The following NGEF variants were observed in gnomAD, a reference collection of about 807,000 sequenced individuals.
The protein encoded by NGEF is neuronal guanine nucleotide exchange factor, also known as ephexin-1.
A neutral mutation model predicts 80.9 loss-of-function variants in NGEF; 31 were observed. That is an observed-to-expected ratio of 0.38 (90% CI 0.29 to 0.52). The LOEUF is 0.52. Ranked by LOEUF, NGEF falls within the 20% of genes least tolerant of loss-of-function variation. The probability of loss-of-function intolerance (pLI) is 0.84; values close to 1 mark genes in which losing one functional copy is unlikely to be tolerated. For synonymous variants in NGEF, 371 were observed against 370.2 expected (o/e 1.00, Z -0.03); for missense variants, 709 against 926.2 (o/e 0.77, Z 3.04).
chr2:232,899,249 AACGT>A (rs1195333111), intron 5 of NGEF, among the ~76,000 whole-genome samples: 2 of 146,838 alleles, frequency 1.4e-5, no homozygotes, highest in African/African-American at 5.0e-5. Context: ...GGGGCGTGTG[AACGT>A]ACGTGTCACT....
At chr2:232,902,572 G>A (rs1396494626) in intron 5 of NGEF, among the ~76,000 whole-genome samples, 2 of 152,206 alleles carry the variant, frequency 1.3e-5, no homozygotes, top group African/African-American at 2.4e-5. Flanking sequence ...CAATTACTAC[G>A]TTTTCTCAAG....
At chr2:233,006,148 T>C (rs1226840636) in intron 1 of NGEF, among the ~76,000 whole-genome samples, 1 of 152,178 alleles carries the variant, frequency 6.6e-6, no homozygotes, top group African/African-American at 2.4e-5. Context: ...TGTGGTAATT[T>C]TTGACAGCAG....
At chr2:232,941,225 A>T (rs1693431671) in intron 3 of NGEF, among the ~76,000 whole-genome samples, 1 of 152,098 alleles carries the variant, frequency 6.6e-6, no homozygotes, top group African/African-American at 2.4e-5. Context: ...GTGCCAGCTG[A>T]TCCATCAAGT....
intron 3 of NGEF, among the ~76,000 whole-genome samples, chr2:232,939,335 A>G (rs1559216300): frequency 6.6e-6 from 1 of 151,978 alleles, no homozygotes; most frequent in Non-Finnish European, 1.5e-5. Context: ...GCTATAATAA[A>G]TGAAACAAAT....
chr2:232,932,311 C>T (rs537243749), intron 3 of NGEF, among the ~76,000 whole-genome samples: 7 of 151,952 alleles, frequency 4.6e-5, no homozygotes, highest in East Asian at 1.9e-4. Flanking sequence ...ATTAAAGGTG[C>T]GCACCATCAT....
chr2:232,987,674 A>C (rs1257957775), intron 1 of NGEF, among the ~76,000 whole-genome samples: 3 of 152,158 alleles, frequency 2.0e-5, no homozygotes, highest in Non-Finnish European at 4.4e-5. Context: ...AGATATGGGA[A>C]TACGCTGCCC....
chr2:232,906,411 C>T (rs1201919811), intron 5 of NGEF, among the ~76,000 whole-genome samples: 7 of 111,226 alleles, frequency 6.3e-5, no homozygotes, highest in Admixed American at 2.9e-4. Context: ...GTCAGCCCCC[C>T]GCCCGGTCAG....
At chr2:232,925,760 G>A (rs572118729) in intron 4 of NGEF, among the ~76,000 whole-genome samples, 1 of 152,358 alleles carries the variant, frequency 6.6e-6, no homozygotes, top group South Asian at 2.1e-4. Context: ...GCGTGGCAGA[G>A]CTGGAAGAAA....
intron 1 of NGEF, among the ~76,000 whole-genome samples, chr2:232,991,354 A>G (rs1270231428): frequency 6.6e-6 from 1 of 152,106 alleles, no homozygotes. Context: ...AAAAAAACAA[A>G]AAACCCCAGA....
chr2:232,919,270 G>C (rs1400154790), intron 5 of NGEF, among the ~76,000 whole-genome samples: 4 of 152,268 alleles, frequency 2.6e-5, no homozygotes, highest in African/African-American at 4.8e-5. Context: ...GAATATCGGG[G>C]GGTAGGGAAA....
chr2:232,952,667 C>A (rs778985717), intron 3 of NGEF, among the ~76,000 whole-genome samples: 1 of 151,952 alleles, frequency 6.6e-6, no homozygotes, highest in South Asian at 2.1e-4. Flanking sequence ...AATAATCTAC[C>A]TTTGAAAAGT....
chr2:232,951,633 C>T (rs187152683), intron 3 of NGEF, among the ~76,000 whole-genome samples: 5 of 152,166 alleles, frequency 3.3e-5, no homozygotes, highest in Admixed American at 2.0e-4. Flanking sequence ...AGAGATGTTT[C>T]ACACTTCCTT....
Position 233,013,207 on chromosome 2 carries a change from C to T in NGEF, c.-214G>A, listed in dbSNP as rs1695252084. The T allele has an allele frequency of 2.1e-6, 1 of 471,090 alleles. No individual in the cohort carries two copies. Among genetic ancestry groups the T allele is most frequent in the African/African-American group, 2.0e-5 (1 of 50,086 alleles). 29.2% of individuals were successfully genotyped at this position (471,090 alleles called of 1,614,324 possible). ...GCGCTCCACTCTGTCCCAGAGAGCC[C>T]ACAGCCAAAAACTTCGTCCTGTCCT... On this transcript the variant is annotated 5_prime_UTR_variant, in exon 1 of 15. Transcript: ENST00000264051.
intron 3 of NGEF, among the ~76,000 whole-genome samples, chr2:232,944,228 C>T (rs186866601): frequency 2.0e-5 from 3 of 151,620 alleles, no homozygotes; most frequent in Admixed American, 1.3e-4. Flanking sequence ...AGCAAAACTC[C>T]GTCTGGGAAA....
intron 4 of NGEF, among the ~76,000 whole-genome samples, chr2:232,923,044 TGG>T (rs1172958561): frequency 6.6e-6 from 1 of 151,602 alleles, no homozygotes; most frequent in Non-Finnish European, 1.5e-5. Context: ...CACTCTAGCC[TGG>T]GCGAAAACAG....
intron 5 of NGEF, among the ~76,000 whole-genome samples, chr2:232,899,695 TTCAC>T (rs1333672488): frequency 1.3e-5 from 1 of 77,322 alleles, no homozygotes; most frequent in Non-Finnish European, 2.7e-5. Flanking sequence ...CATACACACA[TTCAC>T]TCACACACGC....
chr2:232,886,334 T>C (rs1469305054), intron 9 of NGEF, among the ~76,000 whole-genome samples: 2 of 151,416 alleles, frequency 1.3e-5, no homozygotes, highest in Admixed American at 1.3e-4. Flanking sequence ...GTGTGTGCAG[T>C]GTGTACTGTG....
chr2:233,002,620 A>G (rs187430744), intron 1 of NGEF, among the ~76,000 whole-genome samples: 2 of 152,258 alleles, frequency 1.3e-5, no homozygotes, highest in African/African-American at 4.8e-5. Context: ...GCAGTGAGTT[A>G]TGATCACACC....
At chr2:232,910,121 G>A (rs936940236) in intron 5 of NGEF, among the ~76,000 whole-genome samples, 2 of 152,052 alleles carry the variant, frequency 1.3e-5, no homozygotes, top group East Asian at 1.9e-4. Context: ...GTCATGATTG[G>A]GGGGAGGGTT....
Sources: allele counts gnomAD v4.1 joint callset (sites outside exome capture counted in the v4.1 genomes callset), GRCh38; gene constraint gnomAD v4.1.1; transcripts MANE v1.5; gene names NCBI Gene and HGNC (gene_info 2026-07-23, HGNC 2026-07-21).